CNTN4: variants seen among roughly 807,000 people sequenced by gnomAD.
CNTN4 encodes contactin-4.
CNTN4 carries 77 observed loss-of-function variants against 122.5 expected under a neutral mutation model. The ratio of observed to expected loss-of-function variants is 0.63; its 90% CI spans 0.52 to 0.76. The LOEUF (loss-of-function observed/expected upper bound fraction) is 0.76, where lower values mean the gene tolerates loss of function less well. CNTN4 is among the 30% of genes least tolerant of loss of function. The pLI, the probability that CNTN4 is intolerant of heterozygous loss-of-function variation, is 0.00. For synonymous variants in CNTN4, 512 were observed against 447.0 expected, an observed-to-expected ratio of 1.15 and a Z score of -1.83; for missense variants, 1,256 against 1,259.1, an observed-to-expected ratio of 1.00 and a Z score of 0.04.
At chr3:2,911,473 G>A (rs2094299066) in intron 12 of CNTN4, among the ~76,000 whole-genome samples, 1 of 152,180 alleles carries the variant, frequency 6.6e-6, no homozygotes, top group Non-Finnish European at 1.5e-5. Flanking sequence ...AAGACTAGGA[G>A]AAGTGTCTGA....
chr3:3,031,670 A>T (rs1699179126), intron 16 of CNTN4, among the ~76,000 whole-genome samples: 1 of 152,190 alleles, frequency 6.6e-6, no homozygotes, highest in Non-Finnish European at 1.5e-5. Context: ...GACTTTTAAG[A>T]AATATTTTTA....
intron 17 of CNTN4, among the ~76,000 whole-genome samples, chr3:3,036,801 GA>G (rs1434763589): frequency 2.0e-5 from 3 of 150,676 alleles, no homozygotes; most frequent in Non-Finnish European, 4.4e-5. Context: ...AAAAAGAAAA[GA>G]AAAAAAGAAT....
intron 7 of CNTN4, among the ~76,000 whole-genome samples, chr3:2,856,787 T>G (rs2093622882): frequency 6.6e-6 from 1 of 152,018 alleles, no homozygotes; most frequent in Non-Finnish European, 1.5e-5. Flanking sequence ...GAGTAAAGAG[T>G]AGAAAGCTAA....
At chr3:2,769,778 C>CT (rs1396598566) in intron 6 of CNTN4, among the ~76,000 whole-genome samples, 1 of 152,168 alleles carries the variant, frequency 6.6e-6, no homozygotes, top group Non-Finnish European at 1.5e-5. Context: ...AAAAATGCTT[C>CT]TTGCCTGCAG....
At chr3:2,210,991 C>A (rs1311968283) in intron 2 of CNTN4, among the ~76,000 whole-genome samples, 1 of 152,084 alleles carries the variant, frequency 6.6e-6, no homozygotes, top group Non-Finnish European at 1.5e-5. Flanking sequence ...TGTATTAGGC[C>A]ATTTTTGCAT....
intron 12 of CNTN4, among the ~76,000 whole-genome samples, chr3:2,916,508 C>T (rs545352614): frequency 1.7e-4 from 25 of 147,166 alleles, no homozygotes; most frequent in African/African-American, 6.1e-4. Context: ...TCAGAGAGCA[C>T]GGGGTTGGGG....
At chr3:2,359,970 A>G (rs1057077237) in intron 3 of CNTN4, among the ~76,000 whole-genome samples, 1 of 152,268 alleles carries the variant, frequency 6.6e-6, no homozygotes, top group African/African-American at 2.4e-5. Context: ...TAGTCAAAGC[A>G]GAGTGAAAAC....
intron 2 of CNTN4, among the ~76,000 whole-genome samples, chr3:2,111,295 G>T (rs1559251359): frequency 6.6e-6 from 1 of 152,062 alleles, no homozygotes; most frequent in African/African-American, 2.4e-5. Context: ...GCATATTGTT[G>T]TTTATAGTAT....
At chr3:2,406,703 A>G (rs1372453378) in intron 3 of CNTN4, among the ~76,000 whole-genome samples, 3 of 152,102 alleles carry the variant, frequency 2.0e-5, no homozygotes, top group Non-Finnish European at 2.9e-5. Flanking sequence ...TCCATCTGTA[A>G]AGTTTGCCTA....
At chr3:2,296,797 A>T (rs1559425973) in intron 2 of CNTN4, among the ~76,000 whole-genome samples, 1 of 132,092 alleles carries the variant, frequency 7.6e-6, no homozygotes, top group Non-Finnish European at 1.7e-5. Flanking sequence ...CTGAAAAAAA[A>T]AAACAACAAA....
intron 2 of CNTN4, among the ~76,000 whole-genome samples, chr3:2,169,966 C>G (rs13076303): frequency 2.0e-5 from 3 of 151,892 alleles, no homozygotes; most frequent in Non-Finnish European, 4.4e-5. Context: ...CTAATGAGTT[C>G]ACTACATGAT....
At chr3:3,042,219 C>A (rs1700226909) in intron 20 of CNTN4, 91 bp from the exon 21 acceptor site, 2 of 956,996 alleles carry the variant, frequency 2.1e-6, no homozygotes, top group African/African-American at 3.2e-5. Context: ...GATTCTATAA[C>A]CATGAATTAT....
intron 2 of CNTN4, among the ~76,000 whole-genome samples, chr3:2,142,126 C>T (rs536832574): frequency 5.3e-5 from 8 of 152,138 alleles, no homozygotes; most frequent in Non-Finnish European, 8.8e-5. Flanking sequence ...TAGCATGGGG[C>T]TATTTCGATT....
intron 2 of CNTN4, among the ~76,000 whole-genome samples, chr3:2,105,706 A>T (rs377532668): frequency 6.6e-6 from 1 of 152,184 alleles, no homozygotes; most frequent in Non-Finnish European, 1.5e-5. Context: ...GGAGACACAG[A>T]GCCAAACCAT....
intron 3 of CNTN4, among the ~76,000 whole-genome samples, chr3:2,543,481 GAT>G (rs1314938072): frequency 2.0e-5 from 3 of 152,048 alleles, no homozygotes; most frequent in Admixed American, 6.6e-5. Context: ...CCTGGGAGGG[GAT>G]AACAGTGTGT....
At chr3:2,927,420 C>T (rs772049339) in intron 13 of CNTN4, 12 of 438,108 alleles carry the variant, frequency 2.7e-5, no homozygotes, top group Non-Finnish European at 5.0e-5. Flanking sequence ...CTTAAAGCCT[C>T]TACTTAGAAG....
At chr3:2,730,648 C>T (rs1183918585) in intron 4 of CNTN4, among the ~76,000 whole-genome samples, 2 of 152,190 alleles carry the variant, frequency 1.3e-5, no homozygotes, top group Admixed American at 6.5e-5. Context: ...TAGCTTCCTG[C>T]TTTATGCGTG....
At chr3:2,624,309 T>C (rs1487495251) in intron 4 of CNTN4, among the ~76,000 whole-genome samples, 3 of 152,180 alleles carry the variant, frequency 2.0e-5, no homozygotes, top group Non-Finnish European at 2.9e-5. Context: ...GTCGATATGC[T>C]GTTTTTAATG....
chr3:2,125,026 G>C (rs915723869), intron 2 of CNTN4, among the ~76,000 whole-genome samples: 2 of 152,030 alleles, frequency 1.3e-5, no homozygotes, highest in Non-Finnish European at 2.9e-5. Flanking sequence ...GTTAACTATA[G>C]GCACTATGTC....
Sources: allele counts gnomAD v4.1 joint callset (sites outside exome capture counted in the v4.1 genomes callset), GRCh38; gene constraint gnomAD v4.1.1; transcripts MANE v1.5; gene names NCBI Gene and HGNC (gene_info 2026-07-23, HGNC 2026-07-21).